The following ARHGAP11B variants were observed in gnomAD, a reference collection of about 807,000 sequenced individuals.
ARHGAP11B encodes inactive Rho GTPase-activating protein 11B.
In ARHGAP11B, 14 loss-of-function variants were observed where a neutral mutation model predicts 27.6. The ratio of observed to expected loss-of-function variants is 0.51; its 90% CI spans 0.34 to 0.79. The LOEUF is 0.79. ARHGAP11B is among the 30% of genes least tolerant of loss of function. The pLI is 0.02. For missense variants in ARHGAP11B, 245 were observed against 320.1 expected (o/e 0.77, Z 1.79); for synonymous variants, 82 against 114.1 (o/e 0.72, Z 1.80).
chr15:30,634,850 A>G (rs1178905350), intron 4 of ARHGAP11B, among the ~76,000 whole-genome samples: 1 of 151,328 alleles, frequency 6.6e-6, no homozygotes, highest in Non-Finnish European at 1.5e-5. Context: ...GTGGAAAAGC[A>G]AAGTATGAAC....
intron 7 of ARHGAP11B, among the ~76,000 whole-genome samples, chr15:30,642,888 C>G (rs879454698): frequency 3.9e-5 from 6 of 151,942 alleles, no homozygotes; most frequent in African/African-American, 1.2e-4. Context: ...AAGTTTCTAA[C>G]CAGAAATTAA....
At chr15:30,641,073 A>G (rs1462916773) in intron 7 of ARHGAP11B, among the ~76,000 whole-genome samples, 6 of 151,936 alleles carry the variant, frequency 3.9e-5, no homozygotes, top group Non-Finnish European at 7.4e-5. Context: ...CAGAGGTTAA[A>G]CAGTCTTGTT....
At chr15:30,632,784 A>G (rs1452636962) in intron 2 of ARHGAP11B, among the ~76,000 whole-genome samples, 1 of 151,856 alleles carries the variant, frequency 6.6e-6, no homozygotes, top group Non-Finnish European at 1.5e-5. Flanking sequence ...TCTGAGGGAT[A>G]ATGTTGGGGT....
chr15:30,646,550 A>T (rs916427122), intron 9 of ARHGAP11B, among the ~76,000 whole-genome samples: 5 of 151,986 alleles, frequency 3.3e-5, no homozygotes, highest in African/African-American at 9.7e-5. Context: ...ATTTTAAAAA[A>T]ATATATAGGC....
intron 7 of ARHGAP11B, among the ~76,000 whole-genome samples, chr15:30,644,367 G>C (rs1245994786): frequency 6.6e-6 from 1 of 152,004 alleles, no homozygotes; most frequent in East Asian, 1.9e-4. Context: ...CTAATTAGAG[G>C]TAAATTATCT....
chr15:30,626,966 G>T lies in ARHGAP11B; in HGVS notation c.129+17G>T. The T allele has an allele frequency of 1.9e-6, 3 of 1,611,684 alleles. No individual in the cohort carries two copies. Among genetic ancestry groups the T allele is most frequent in the Non-Finnish European group, 2.5e-6 (3 of 1,179,098 alleles). On this transcript the variant is annotated intron_variant, in intron 1 of 10. Transcript: ENST00000428041. Reference sequence around the variant, plus strand: ...GAAATAGGGGTAAGTTCTGTGAAAAGGGATTTAGGTTTAAAAGAAAGGGCA... The same window carrying T: ...GAAATAGGGGTAAGTTCTGTGAAAATGGATTTAGGTTTAAAAGAAAGGGCA...
intron 1 of ARHGAP11B, among the ~76,000 whole-genome samples, chr15:30,629,424 G>T (rs2060230365): frequency 6.6e-6 from 1 of 151,978 alleles, no homozygotes; most frequent in Non-Finnish European, 1.5e-5. Flanking sequence ...CGTGGTGGCG[G>T]GCGCCTGTAG....
intron 9 of ARHGAP11B, among the ~76,000 whole-genome samples, chr15:30,647,050 T>C (rs2060354107): frequency 6.6e-6 from 1 of 151,960 alleles, no homozygotes; most frequent in Admixed American, 6.6e-5. Context: ...CCATGTGGAA[T>C]GGGTTGTGGG....
intron 1 of ARHGAP11B, among the ~76,000 whole-genome samples, chr15:30,627,250 G>C (rs1174971383): frequency 6.6e-6 from 1 of 151,914 alleles, no homozygotes; most frequent in Non-Finnish European, 1.5e-5. Flanking sequence ...ATTGTGGGAT[G>C]TTTAGCGGGA....
intron 7 of ARHGAP11B, among the ~76,000 whole-genome samples, chr15:30,639,082 A>G: frequency 6.6e-6 from 1 of 151,894 alleles, no homozygotes; most frequent in East Asian, 1.9e-4. Flanking sequence ...TCTGTTTGTA[A>G]TTTAGATGCT....
rs1243761854 is a variant in ARHGAP11B at position 30,644,820 on chromosome 15, AT to A, written c.*142+120del. The A allele has an allele frequency of 4.3e-6, 4 of 928,886 alleles. No homozygotes were observed. In the African/African-American group the frequency reaches 6.7e-5, roughly 16 times the overall value. The allele number at this position is 928,886 out of a possible 1,614,324, so 57.5% of individuals were successfully genotyped here. Reference sequence around the variant, plus strand: ...TAACTAAATTTATTTTGTCTTGACAATTGGTTATATTCTTGGGTCAGTGTTA... The same window carrying A: ...TAACTAAATTTATTTTGTCTTGACAATGGTTATATTCTTGGGTCAGTGTTA... On this transcript the variant is annotated intron_variant, in intron 8 of 10. Transcript: ENST00000428041.
At chr15:30,627,799 A>G (rs2060219743) in intron 1 of ARHGAP11B, among the ~76,000 whole-genome samples, 1 of 152,074 alleles carries the variant, frequency 6.6e-6, no homozygotes, top group South Asian at 2.1e-4. Flanking sequence ...AAGTTAATAT[A>G]CGTTGCTTTT....
In ARHGAP11B at chr15:30,635,471, G is replaced by C. The variant is rs565559996; in HGVS notation, c.661-16G>C. ...GAAGGATAATAATTGTCTTACTTGT[G>C]AACATTTTCATTTAGGGCGTGTACC... is the stretch of plus-strand genomic sequence containing the variant. On this transcript the variant is annotated splice_polypyrimidine_tract_variant and intron_variant, in intron 5 of 10. Transcript: ENST00000428041. The C allele has an allele frequency of 2.0e-5, 33 of 1,611,224 alleles. No homozygotes were observed. The South Asian group carries it at 3.4e-4, about 17-fold the overall frequency.
At chr15:30,648,432 C>T (rs1595682451) in exon 11 of ARHGAP11B, among the ~76,000 whole-genome samples, 1 of 151,986 alleles carries the variant, frequency 6.6e-6, no homozygotes, top group South Asian at 2.1e-4. Context: ...GTGAGTGGAA[C>T]AAGGAAATGA....
chr15:30,634,362 G>C, exon 4 of ARHGAP11B: 1 of 1,613,430 alleles, frequency 6.2e-7, no homozygotes, highest in Non-Finnish European at 8.5e-7. Context: ...CTGTCTTCTG[G>C]CTGACCACAC....
At chr15:30,638,501 T>C (rs1246565161) in intron 6 of ARHGAP11B, among the ~76,000 whole-genome samples, 1 of 151,928 alleles carries the variant, frequency 6.6e-6, no homozygotes, top group Non-Finnish European at 1.5e-5. Context: ...TTATATGTAT[T>C]TGTATTACAT....
intron 6 of ARHGAP11B, among the ~76,000 whole-genome samples, chr15:30,636,590 A>G (rs1262447797): frequency 6.6e-6 from 1 of 152,026 alleles, no homozygotes; most frequent in Admixed American, 6.6e-5. Context: ...AATACTGATG[A>G]CTTATGTATG....
intron 1 of ARHGAP11B, among the ~76,000 whole-genome samples, chr15:30,627,826 TAAAA>T (rs965461644): frequency 1.3e-5 from 2 of 151,800 alleles, no homozygotes; most frequent in Non-Finnish European, 2.9e-5. Context: ...TTATGGTTTC[TAAAA>T]AAAAGTGCTT....
intron 1 of ARHGAP11B, among the ~76,000 whole-genome samples, chr15:30,628,325 C>G (rs1336510351): frequency 6.6e-6 from 1 of 151,940 alleles, no homozygotes; most frequent in Non-Finnish European, 1.5e-5. Flanking sequence ...TCGTGATCCG[C>G]CCGCCTCGGC....
Sources: gnomAD v4.1 joint callset for allele counts (sites outside exome capture counted in the v4.1 genomes callset) on GRCh38, gnomAD v4.1.1 for gene constraint, MANE v1.5 for transcripts, NCBI Gene and HGNC (gene_info 2026-07-23, HGNC 2026-07-21) for gene names.